Variants in PDE1C observed in about 807,000 individuals in gnomAD.
PDE1C encodes the protein phosphodiesterase 1C, also known as dual specificity calcium/calmodulin-dependent 3',5'-cyclic nucleotide phosphodiesterase 1C.
A neutral mutation model predicts 93.1 loss-of-function variants in PDE1C; 62 were observed. The observed-to-expected ratio is 0.67, with a 90% CI of 0.54 to 0.82. PDE1C has a LOEUF of 0.82. Ranked by LOEUF, PDE1C falls within the 40% of genes least tolerant of loss-of-function variation. PDE1C has a pLI of 0.00. For synonymous variants in PDE1C, 325 were observed against 310.1 expected, an observed-to-expected ratio of 1.05 and a Z score of -0.50; for missense variants, 742 against 884.6, an observed-to-expected ratio of 0.84 and a Z score of 2.04.
intron 2 of PDE1C, among the ~76,000 whole-genome samples, chr7:32,183,200 A>T (rs1477988619): frequency 6.6e-6 from 1 of 152,214 alleles, no homozygotes; most frequent in Non-Finnish European, 1.5e-5. Context: ...AGGAAGAATC[A>T]ATATCATGAA....
At chr7:31,783,581 T>C (rs920975548) in intron 16 of PDE1C, 1 of 152,038 alleles carries the variant, frequency 6.6e-6, no homozygotes, top group Non-Finnish European at 1.5e-5. Context: ...CAAGTACTTA[T>C]GCATTACTAG....
intron 2 of PDE1C, among the ~76,000 whole-genome samples, chr7:32,188,214 T>TGGGG (rs35087181): frequency 1.5e-4 from 22 of 150,714 alleles, no homozygotes; most frequent in African/African-American, 5.4e-4. Context: ...TATATGAAAT[T>TGGGG]GGGGGGGGAT....
intron 1 of PDE1C, among the ~76,000 whole-genome samples, chr7:32,325,362 C>A (rs215631): frequency 0.58 from 83,553 of 145,176 alleles, 25,451 homozygotes; most frequent in Admixed American, 0.7. Context: ...AAGGCCACTG[C>A]CTGAAGATCT....
chr7:31,646,458 C>T, the PDE1C span, among the ~76,000 whole-genome samples: 143 of 152,162 alleles, frequency 9.4e-4, 1 homozygote, highest in African/African-American at 3.3e-3. Flanking sequence ...TAAGAGGTGG[C>T]CCTGGGGGAA....
At chr7:31,710,098 G>A in the PDE1C span, among the ~76,000 whole-genome samples, 1 of 152,160 alleles carries the variant, frequency 6.6e-6, no homozygotes, top group Non-Finnish European at 1.5e-5. Context: ...GCAGTGAGCT[G>A]TGATTGTGCC....
chr7:31,844,816 T>G (rs1055458726), intron 9 of PDE1C, among the ~76,000 whole-genome samples: 3 of 152,080 alleles, frequency 2.0e-5, no homozygotes, highest in Non-Finnish European at 2.9e-5. Flanking sequence ...GTCCCTAACT[T>G]CTACTCATTT....
At chr7:31,861,685 C>T (rs1794718015) in intron 7 of PDE1C, among the ~76,000 whole-genome samples, 1 of 152,138 alleles carries the variant, frequency 6.6e-6, no homozygotes, top group Non-Finnish European at 1.5e-5. Flanking sequence ...GTCTCAGAAA[C>T]AGCACTTTCT....
chr7:32,148,786 A>G (rs141380184), intron 3 of PDE1C, among the ~76,000 whole-genome samples: 399 of 152,268 alleles, frequency 2.6e-3, no homozygotes, highest in Non-Finnish European at 4.7e-3. Context: ...ATGTGGGTTG[A>G]ATAAATAAAT....
chr7:31,637,128 G>A, the PDE1C span, among the ~76,000 whole-genome samples: 1 of 151,742 alleles, frequency 6.6e-6, no homozygotes, highest in Non-Finnish European at 1.5e-5. Flanking sequence ...TCTTAATCCA[G>A]TCTATCGTTG....
chr7:32,298,019 T>C (rs1425911672), intron 1 of PDE1C, among the ~76,000 whole-genome samples: 4 of 23,436 alleles, frequency 1.7e-4, no homozygotes, highest in Admixed American at 4.9e-4. Flanking sequence ...TCTCTCTCCC[T>C]CTCTCTCTCT....
intron 1 of PDE1C, among the ~76,000 whole-genome samples, chr7:32,211,441 T>C (rs1418701685): frequency 6.6e-6 from 1 of 152,080 alleles, no homozygotes; most frequent in Non-Finnish European, 1.5e-5. Context: ...TGGTCAACTA[T>C]CTCAGTAGAA....
intron 1 of PDE1C, among the ~76,000 whole-genome samples, chr7:32,341,421 C>T (rs1430355031): frequency 6.6e-6 from 1 of 150,948 alleles, no homozygotes; most frequent in East Asian, 2.0e-4. Context: ...GTGATCCGCC[C>T]ACCTCGGCCT....
intron 1 of PDE1C, among the ~76,000 whole-genome samples, chr7:32,223,457 T>C (rs10240905): frequency 0.56 from 85,071 of 151,994 alleles, 25,261 homozygotes; most frequent in Admixed American, 0.67. Flanking sequence ...AATGGCCCTA[T>C]CCAGGGCCTC....
chr7:31,628,672 G>A, the PDE1C span, among the ~76,000 whole-genome samples: 3 of 152,008 alleles, frequency 2.0e-5, no homozygotes, highest in Non-Finnish European at 4.4e-5. Flanking sequence ...TAGCCAGGAT[G>A]GTCTCAATCT....
intron 1 of PDE1C, among the ~76,000 whole-genome samples, chr7:32,314,493 C>A (rs1309640257): frequency 1.3e-5 from 2 of 152,150 alleles, no homozygotes; most frequent in Non-Finnish European, 2.9e-5. Flanking sequence ...AGATGGATAA[C>A]TGGTTACAGG....
chr7:32,102,893 T>TC (rs1798106490), intron 3 of PDE1C, among the ~76,000 whole-genome samples: 1 of 152,198 alleles, frequency 6.6e-6, no homozygotes, highest in Non-Finnish European at 1.5e-5. Flanking sequence ...TCGGTGGCAT[T>TC]GCTTCACATA....
chr7:31,747,572 TAGAG>T, downstream of PDE1C, among the ~76,000 whole-genome samples: 2 of 152,108 alleles, frequency 1.3e-5, no homozygotes, highest in African/African-American at 4.8e-5. Context: ...AGCATTGCAG[TAGAG>T]AAAGAGTTTA....
chr7:32,277,083 T>C (rs1293230444), intron 1 of PDE1C, among the ~76,000 whole-genome samples: 1 of 152,050 alleles, frequency 6.6e-6, no homozygotes, highest in Non-Finnish European at 1.5e-5. Context: ...ACCCCATCTC[T>C]ACAAAAAATA....
At chr7:31,960,404 T>G (rs1386240365) in intron 2 of PDE1C, among the ~76,000 whole-genome samples, 2 of 152,160 alleles carry the variant, frequency 1.3e-5, no homozygotes, top group Non-Finnish European at 1.5e-5. Context: ...TTGAGGGATA[T>G]TCTACAAAAT....
Sources: allele counts gnomAD v4.1 joint callset (sites outside exome capture counted in the v4.1 genomes callset), GRCh38; gene constraint gnomAD v4.1.1; transcripts MANE v1.5; gene names NCBI Gene and HGNC (gene_info 2026-07-23, HGNC 2026-07-21).